The following ARHGEF4 variants were observed in gnomAD, a reference collection of about 807,000 sequenced individuals.
The protein encoded by ARHGEF4 is APC-stimulated guanine nucleotide exchange factor 1.
Under a neutral mutation model 162.0 loss-of-function variants are expected in ARHGEF4, and 119 were observed. That is an observed-to-expected ratio of 0.73 (90% CI 0.63 to 0.86). The LOEUF is 0.86. Ranked by LOEUF, ARHGEF4 falls within the 40% of genes least tolerant of loss-of-function variation. The pLI is 0.00. For missense variants in ARHGEF4, 2,488 were observed against 2,456.0 expected (o/e 1.01, Z -0.28); for synonymous variants, 1,014 against 979.9 (o/e 1.03, Z -0.65).
chr2:130,849,819 C>T (rs1039895336), intron 1 of ARHGEF4, among the ~76,000 whole-genome samples: 1 of 152,204 alleles, frequency 6.6e-6, no homozygotes, highest in African/African-American at 2.4e-5. Context: ...CCCACCTCAG[C>T]CTCCCAAAGT....
At chr2:130,988,893 T>TAGAGAGAG (rs1304546250) in intron 4 of ARHGEF4, among the ~76,000 whole-genome samples, 67 of 113,234 alleles carry the variant, frequency 5.9e-4, no homozygotes, top group Admixed American at 7.3e-4. Context: ...TATATATATA[T>TAGAGAGAG]ATATATATAG....
Position 130,917,353 on chromosome 2 carries a change from C to T in ARHGEF4, c.3407C>T (p.Pro1136Leu). 1 of 1,550,562 alleles carries T rather than the reference C, an allele frequency of 6.4e-7. No individual in the cohort carries two copies. The highest frequency in any genetic ancestry group is 8.7e-7 in the Non-Finnish European group (1 of 1,147,002). ...VDSSSGDPER[P>L]KIPKGQTSFL... ...AGCAGTTCAGGGGACCCTGAAAGAC[C>T]CAAGATTCCCAAGGGCCAGACCAGT... Residue 1136 changes from proline (P) to leucine (L), a missense_variant, in exon 2 of 14, where the codon CCC becomes CTC. Pro to Leu is a moderately conservative substitution (Grantham distance 98). This residue lies in a region of ARHGEF4 where 1,642 missense variants were observed against 1,481.5 expected (regional missense o/e 1.11). Coordinates refer to ENST00000409359, the MANE Select transcript of ARHGEF4 (RefSeq NM_001367493.1).
intron 4 of ARHGEF4, among the ~76,000 whole-genome samples, chr2:130,992,359 T>C (rs1245771489): frequency 3.3e-5 from 5 of 152,088 alleles, no homozygotes; most frequent in African/African-American, 1.2e-4. Context: ...GCTCACTCTT[T>C]GGGTCCATGC....
At chr2:130,896,345 CAGGG>C (rs1680156594) in intron 1 of ARHGEF4, among the ~76,000 whole-genome samples, 2 of 152,126 alleles carry the variant, frequency 1.3e-5, no homozygotes. Context: ...GTAGGGTAGA[CAGGG>C]AGAGCCTCCT....
rs201353514 is a variant in ARHGEF4 at position 131,041,857 on chromosome 2, C to G, written c.4938C>G (p.Asn1646Lys). The G allele has an allele frequency of 2.5e-6, 4 of 1,613,524 alleles. No homozygotes were observed. Among genetic ancestry groups the G allele is most frequent in the Non-Finnish European group, 2.5e-6 (3 of 1,180,024 alleles). The change falls in exon 10 of 14, where the codon AAC becomes AAG. Residue 1646 changes from asparagine (N) to lysine (K), a missense_variant. This residue lies in a region of ARHGEF4 where 415 missense variants were observed against 512.4 expected (regional missense o/e 0.81). Coordinates refer to ENST00000409359, the MANE Select transcript of ARHGEF4 (RefSeq NM_001367493.1). ...AAGCCGCCTTGCATGCCATGAAGAA[C>G]GTGGCCCAGCTCATCAACGAGCGGA... ...DVEAALHAMK[N>K]VAQLINERKR...
chr2:130,864,855 G>A (rs1007699320), intron 1 of ARHGEF4, among the ~76,000 whole-genome samples: 2 of 152,214 alleles, frequency 1.3e-5, no homozygotes, highest in African/African-American at 4.8e-5. Context: ...TGGGTAATTG[G>A]TATGGTATGT....
At chr2:130,980,574 A>G (rs1388986844) in intron 4 of ARHGEF4, among the ~76,000 whole-genome samples, 12 of 152,290 alleles carry the variant, frequency 7.9e-5, no homozygotes, top group Middle Eastern at 6.8e-3. Flanking sequence ...GCACACAGCA[A>G]TTTCTTTTCA....
chr2:130,946,780 G>C, intron 4 of ARHGEF4, 145 bp downstream of exon 4: 4 of 1,188,198 alleles, frequency 3.4e-6, no homozygotes, highest in Non-Finnish European at 4.7e-6. Flanking sequence ...TCTTCCTTCA[G>C]TTAGGGAGGA....
chr2:130,917,527 C>A, intron 2 of ARHGEF4, 29 bp downstream of exon 2: 1 of 1,527,670 alleles, frequency 6.5e-7, no homozygotes, highest in East Asian at 2.5e-5. Context: ...CCAAGCCTTT[C>A]CTGACCTCTG....
chr2:131,024,807 T>C (rs1210835621), intron 4 of ARHGEF4, among the ~76,000 whole-genome samples: 4 of 152,208 alleles, frequency 2.6e-5, no homozygotes, highest in Non-Finnish European at 5.9e-5. Context: ...GAAACAAAAG[T>C]GGCCACATGT....
At chr2:130,989,804 C>T (rs1686821153) in intron 4 of ARHGEF4, among the ~76,000 whole-genome samples, 1 of 152,230 alleles carries the variant, frequency 6.6e-6, no homozygotes, top group South Asian at 2.1e-4. Flanking sequence ...TTATGTCTGA[C>T]ATCGGATTAG....
At chr2:130,869,524 TTTGA>T (rs571170929) in intron 1 of ARHGEF4, among the ~76,000 whole-genome samples, 1 of 152,186 alleles carries the variant, frequency 6.6e-6, no homozygotes, top group Non-Finnish European at 1.5e-5. Flanking sequence ...GCAGTAGCTA[TTTGA>T]TTGTGCCCAG....
intron 1 of ARHGEF4, among the ~76,000 whole-genome samples, chr2:130,909,108 G>T (rs1041371073): frequency 5.9e-5 from 9 of 152,188 alleles, no homozygotes; most frequent in African/African-American, 1.9e-4. Context: ...GCAGGTTCTT[G>T]AGCAGTTGAA....
chr2:130,951,950 T>C (rs1250382645), intron 4 of ARHGEF4, among the ~76,000 whole-genome samples: 5 of 152,200 alleles, frequency 3.3e-5, no homozygotes, highest in Non-Finnish European at 7.4e-5. Context: ...TTACAGCTTT[T>C]CTCTCATCTA....
At chr2:130,864,410 G>A (rs1248640632) in intron 1 of ARHGEF4, among the ~76,000 whole-genome samples, 1 of 152,062 alleles carries the variant, frequency 6.6e-6, no homozygotes, top group Non-Finnish European at 1.5e-5. Flanking sequence ...TTGAAGGGGA[G>A]TGGGGAGTGA....
intron 4 of ARHGEF4, among the ~76,000 whole-genome samples, chr2:130,977,247 T>C (rs1685799198): frequency 6.6e-6 from 1 of 151,814 alleles, no homozygotes; most frequent in South Asian, 2.1e-4. Context: ...GTGTATGCTG[T>C]GCATGTGTAG....
chr2:130,956,412 C>T (rs539614095), intron 4 of ARHGEF4, among the ~76,000 whole-genome samples: 36 of 152,066 alleles, frequency 2.4e-4, no homozygotes, highest in Non-Finnish European at 4.0e-4. Context: ...GTCAGTGTGG[C>T]GACTCCTCAG....
Position 130,915,941 on chromosome 2 carries a change from A to C in ARHGEF4, c.1995A>C (p.Glu665Asp). Residue 665 changes from glutamate to aspartate, a missense_variant, in exon 2 of 14, where the codon GAA becomes GAC. Physicochemically the swap from Glu to Asp is conservative, Grantham distance 45. Around this residue, in one of 6 missense-constraint regions of ARHGEF4, gnomAD observed 1,642 missense variants for 1,481.5 expected, o/e 1.11. Transcript: ENST00000409359. ...GTGACTTTCCTAAGGAAAGACCAGA[A>C]TCTCCCTTGAGCACTGGCGAGACCC... ...LPRDFPKERPESPLSTGETPC... is the reference protein window; with the variant it reads ...LPRDFPKERPDSPLSTGETPC... 1.3e-6 allele frequency: 2 copies of C among 1,550,536 alleles called. No individual in the cohort carries two copies. The highest frequency in any genetic ancestry group is 1.7e-4 in the Middle Eastern group (1 of 5,992).
chr2:130,974,035 T>C (rs1181440400), intron 4 of ARHGEF4, among the ~76,000 whole-genome samples: 1 of 151,682 alleles, frequency 6.6e-6, no homozygotes, highest in Admixed American at 6.6e-5. Context: ...TTTGGGAGGC[T>C]GAGTAGGACA....
Sources: allele counts gnomAD v4.1 joint callset (sites outside exome capture counted in the v4.1 genomes callset), GRCh38; gene constraint gnomAD v4.1.1; regional missense constraint gnomAD v4.1.1; transcripts MANE v1.5; gene names NCBI Gene and HGNC (gene_info 2026-07-23, HGNC 2026-07-21).